Variants in TBCK observed in about 807,000 individuals in gnomAD.
TBCK encodes the protein TBC domain-containing protein kinase-like protein.
In TBCK, 99 loss-of-function variants were observed where a neutral mutation model predicts 113.4. The observed-to-expected ratio is 0.87, with a 90% CI of 0.74 to 1.03. The LOEUF (loss-of-function observed/expected upper bound fraction) is 1.03, where lower values mean the gene tolerates loss of function less well. TBCK is among the 50% of genes least tolerant of loss of function. TBCK has a pLI of 0.00. For synonymous variants in TBCK, 369 were observed against 370.8 expected (o/e 1.00, Z 0.05); for missense variants, 1,045 against 1,061.3 (o/e 0.98, Z 0.21).
At chr4:106,123,506 G>T (rs1464112448) in intron 23 of TBCK, among the ~76,000 whole-genome samples, 2 of 152,066 alleles carry the variant, frequency 1.3e-5, no homozygotes, top group Non-Finnish European at 2.9e-5. Flanking sequence ...TTTCTTCACA[G>T]AATTGGAAAA....
chr4:106,291,076 A>C (rs1327074370), intron 3 of TBCK, among the ~76,000 whole-genome samples: 1 of 152,214 alleles, frequency 6.6e-6, no homozygotes, highest in Admixed American at 6.5e-5. Flanking sequence ...ATTAAGCTGT[A>C]TCTGGTGGTA....
intron 22 of TBCK, among the ~76,000 whole-genome samples, chr4:106,191,670 T>C (rs1249742477): frequency 1.3e-5 from 2 of 152,152 alleles, no homozygotes; most frequent in Non-Finnish European, 2.9e-5. Flanking sequence ...TAATATAAGA[T>C]GAAATATCTT....
chr4:106,175,140 A>G (rs1056358223), intron 22 of TBCK, among the ~76,000 whole-genome samples: 1 of 151,810 alleles, frequency 6.6e-6, no homozygotes, highest in East Asian at 1.9e-4. Context: ...CTCAAAAAAA[A>G]AAAAAAGAAA....
upstream of TBCK, chr4:106,316,285 G>C (rs1049719485): frequency 2.0e-5 from 8 of 402,372 alleles, no homozygotes; most frequent in Admixed American, 3.2e-4. Context: ...ACCCCGACTT[G>C]TGGTGTCCTT....
intron 23 of TBCK, among the ~76,000 whole-genome samples, chr4:106,123,443 C>A (rs1032358938): frequency 6.6e-6 from 1 of 152,160 alleles, no homozygotes; most frequent in African/African-American, 2.4e-5. Context: ...AATGGCCATA[C>A]TGCCCAAGGT....
At chr4:106,278,872 A>C (rs1277498608) in intron 3 of TBCK, among the ~76,000 whole-genome samples, 1 of 152,058 alleles carries the variant, frequency 6.6e-6, no homozygotes, top group Non-Finnish European at 1.5e-5. Context: ...GCAATAACCC[A>C]AAAAATAAAA....
chr4:106,084,061 G>T (rs1739222623), intron 25 of TBCK, among the ~76,000 whole-genome samples: 1 of 152,116 alleles, frequency 6.6e-6, no homozygotes, highest in African/African-American at 2.4e-5. Context: ...GTCTCTCCAA[G>T]GTGCAGAACT....
chr4:106,091,583 A>G (rs546169225), intron 25 of TBCK, among the ~76,000 whole-genome samples: 2 of 151,934 alleles, frequency 1.3e-5, no homozygotes, highest in East Asian at 3.9e-4. Flanking sequence ...AGACCTTTGC[A>G]GTGAGTGTTA....
At chr4:106,067,167 C>A (rs1366012362) in intron 25 of TBCK, among the ~76,000 whole-genome samples, 1 of 152,112 alleles carries the variant, frequency 6.6e-6, no homozygotes, top group Non-Finnish European at 1.5e-5. Flanking sequence ...CTCATCCTTG[C>A]CAACACTTGG....
chr4:106,088,499 G>C lies in TBCK; in HGVS notation c.2571+6983C>G, dbSNP rs1020307499. On this transcript the variant is annotated intron_variant, in intron 25 of 25. Transcript: ENST00000394708. ...ATAGGAACACTTACACTGTTGGTAGGAATGTAAATTAGTTCAACCATTGTA... is the reference window on the plus strand; with the variant it reads ...ATAGGAACACTTACACTGTTGGTAGCAATGTAAATTAGTTCAACCATTGTA... Among the ~76,000 whole-genome samples the C allele has an allele frequency of 1.1e-4, 16 of 152,190 alleles. 1 individual carries two copies. Among genetic ancestry groups the C allele is most frequent in the African/African-American group, 3.1e-4 (13 of 41,432 alleles).
At chr4:106,116,168 G>T in intron 24 of TBCK, 35 bp downstream of exon 24, 1 of 1,595,666 alleles carries the variant, frequency 6.3e-7, no homozygotes, top group Non-Finnish European at 8.6e-7. Context: ...CAAATAAGCA[G>T]TACCACCCTT....
chr4:106,115,173 C>A (rs912223071), intron 24 of TBCK, among the ~76,000 whole-genome samples: 4 of 152,150 alleles, frequency 2.6e-5, no homozygotes, highest in Non-Finnish European at 5.9e-5. Flanking sequence ...AAACTTATTG[C>A]TGATTGAGTA....
At chr4:106,140,830 C>T (rs963865644) in intron 23 of TBCK, among the ~76,000 whole-genome samples, 1 of 139,060 alleles carries the variant, frequency 7.2e-6, no homozygotes, top group Non-Finnish European at 1.6e-5. Context: ...TGACTTAAAC[C>T]GAAAGTTTGG....
rs112891861 is a variant in TBCK, at chr4:106,286,777, C to T, written c.266+8317G>A. Among the ~76,000 whole-genome samples the T allele has an allele frequency of 1.3e-4, 20 of 151,564 alleles. 1 individual carries two copies. Among genetic ancestry groups the T allele is most frequent in the African/African-American group, 3.9e-4 (16 of 41,322 alleles). Reference sequence around the variant, plus strand: ...AGGAGGTCAAGGCTACAGTAAGCAGCGATCACAGTAAGCGAGGTCAAGGCT... The same window carrying T: ...AGGAGGTCAAGGCTACAGTAAGCAGTGATCACAGTAAGCGAGGTCAAGGCT... On this transcript the variant is annotated intron_variant, in intron 3 of 25. Coordinates refer to ENST00000394708, the MANE Select transcript of TBCK (RefSeq NM_001163435.3).
chr4:106,284,146 T>C lies in TBCK; in HGVS notation c.266+10948A>G, dbSNP rs541443030. 7.2e-5 allele frequency among the ~76,000 whole-genome samples: 11 copies of C among 152,228 alleles called. 1 individual carries two copies. The highest frequency in any genetic ancestry group is 6.5e-4 in the Admixed American group (10 of 15,282). ...GAGAATTATAGATCAGTTATATAAA[T>C]CTCTAATTCACATGACTTCACTACC... On this transcript the variant is annotated intron_variant, in intron 3 of 25. Coordinates refer to ENST00000394708, the MANE Select transcript of TBCK (RefSeq NM_001163435.3).
chr4:106,281,962 C>G (rs1328781242), intron 3 of TBCK, among the ~76,000 whole-genome samples: 1 of 152,042 alleles, frequency 6.6e-6, no homozygotes, highest in African/African-American at 2.4e-5. Context: ...TTTTTCAGAA[C>G]AGTTTGAGTA....
intron 23 of TBCK, among the ~76,000 whole-genome samples, chr4:106,147,577 TG>T (rs1334663920): frequency 1.3e-5 from 2 of 152,178 alleles, no homozygotes; most frequent in Non-Finnish European, 2.9e-5. Flanking sequence ...ACATAAATTG[TG>T]AAGATTTCAT....
chr4:106,141,638 C>T (rs1747152306), intron 23 of TBCK, among the ~76,000 whole-genome samples: 1 of 139,546 alleles, frequency 7.2e-6, no homozygotes, highest in Admixed American at 7.1e-5. Flanking sequence ...ATAAGATATC[C>T]CAATAATAAC....
chr4:106,145,026 A>T (rs1408113869), intron 23 of TBCK, among the ~76,000 whole-genome samples: 2 of 147,252 alleles, frequency 1.4e-5, no homozygotes, highest in Non-Finnish European at 3.0e-5. Flanking sequence ...GTGTCAAAAA[A>T]AAAAAAAAAA....
Sources: allele counts gnomAD v4.1 joint callset (sites outside exome capture counted in the v4.1 genomes callset), GRCh38; gene constraint gnomAD v4.1.1; transcripts MANE v1.5; gene names NCBI Gene and HGNC (gene_info 2026-07-23, HGNC 2026-07-21).